CYP7B1: variants seen among roughly 807,000 people sequenced by gnomAD.
The protein encoded by CYP7B1 is cytochrome P450 7B1.
In CYP7B1, 29 loss-of-function variants were observed where a neutral mutation model predicts 42.7. That is an observed-to-expected ratio of 0.68 (90% confidence interval 0.51 to 0.93). The LOEUF (loss-of-function observed/expected upper bound fraction) is 0.93. CYP7B1 is among the 40% of genes least tolerant of loss of function. The pLI is 0.00. For synonymous variants in CYP7B1, 235 were observed against 218.2 expected (o/e 1.08, Z -0.68); for missense variants, 655 against 600.5 (o/e 1.09, Z -0.95).
intron 1 of CYP7B1, among the ~76,000 whole-genome samples, chr8:64,794,744 T>C (rs550402223): frequency 9.2e-5 from 14 of 152,308 alleles, no homozygotes; most frequent in South Asian, 2.1e-4. Context: ...GTTCAAACCA[T>C]AGCATCACCA....
chr8:64,798,360 ACTGT>A lies in CYP7B1; in HGVS notation c.122+102_122+105del, dbSNP rs760472717. ...AGCCAGTACCCCGCAGCAAGTTCTG[ACTGT>A]CTGCACTGGAAATCATGGAGGGGGA... On this transcript the variant is annotated intron_variant, in intron 1 of 5. Coordinates refer to ENST00000310193, the MANE Select transcript of CYP7B1 (RefSeq NM_004820.5). 14 of 1,381,458 alleles carry A rather than the reference ACTGT, an allele frequency of 1.0e-5. No individual in the cohort carries two copies. The Admixed American group carries it at 1.5e-4, about 15-fold the overall frequency. 85.6% of individuals were successfully genotyped at this position (1,381,458 alleles called of 1,614,324 possible). A position where few individuals can be genotyped will look rare whatever the true frequency, so the allele number is the denominator to read the frequency against.
chr8:64,756,061 A>G (rs1479815650), intron 1 of CYP7B1, among the ~76,000 whole-genome samples: 1 of 152,186 alleles, frequency 6.6e-6, no homozygotes, highest in Non-Finnish European at 1.5e-5. Flanking sequence ...GCTTTATACC[A>G]GGAGGTTTTG....
intron 1 of CYP7B1, among the ~76,000 whole-genome samples, chr8:64,726,249 A>G (rs529526418): frequency 1.4e-4 from 22 of 152,328 alleles, no homozygotes; most frequent in Non-Finnish European, 1.9e-4. Context: ...GTTGTTTCAG[A>G]AGTGACTTAA....
Position 64,595,090 on chromosome 8 carries a change from C to A in CYP7B1, c.*1552G>T, listed in dbSNP as rs532728374. 1.3e-5 allele frequency among the ~76,000 whole-genome samples: 2 copies of A among 152,158 alleles called. No homozygotes were observed. The highest frequency in any genetic ancestry group is 1.3e-4 in the Admixed American group (2 of 15,280). ...ATAACAACAATGGATACCTTAAGAACGGGCAATATCTTCAAAGTGCTGTGA... is the reference window on the plus strand; with the variant it reads ...ATAACAACAATGGATACCTTAAGAAAGGGCAATATCTTCAAAGTGCTGTGA... On this transcript the variant is annotated 3_prime_UTR_variant, in exon 6 of 6. Coordinates refer to ENST00000310193, the MANE Select transcript of CYP7B1 (RefSeq NM_004820.5).
chr8:64,746,094 G>A (rs1807640035), intron 1 of CYP7B1, among the ~76,000 whole-genome samples: 1 of 151,098 alleles, frequency 6.6e-6, no homozygotes, highest in South Asian at 2.1e-4. Flanking sequence ...GATCTAAGTT[G>A]AATTAAAAAG....
chr8:64,712,667 CAT>C (rs1162695294), intron 1 of CYP7B1, among the ~76,000 whole-genome samples: 1 of 150,852 alleles, frequency 6.6e-6, no homozygotes, highest in Non-Finnish European at 1.5e-5. Flanking sequence ...TGTATATATG[CAT>C]ACTTATATAT....
intron 1 of CYP7B1, among the ~76,000 whole-genome samples, chr8:64,649,637 T>C (rs1806009307): frequency 6.6e-6 from 1 of 152,218 alleles, no homozygotes; most frequent in Admixed American, 6.5e-5. Context: ...TCCTCCATAC[T>C]GTTTTCTACC....
At chr8:64,660,935 A>C (rs541374002) in intron 1 of CYP7B1, among the ~76,000 whole-genome samples, 10 of 152,334 alleles carry the variant, frequency 6.6e-5, no homozygotes, top group African/African-American at 1.7e-4. Flanking sequence ...TTCTGCTATG[A>C]GAAGAAAGGT....
At chr8:64,625,263 G>A (rs941330381) in intron 1 of CYP7B1, among the ~76,000 whole-genome samples, 3 of 152,220 alleles carry the variant, frequency 2.0e-5, no homozygotes, top group Non-Finnish European at 2.9e-5. Flanking sequence ...GTGAGCCACC[G>A]CGCCCAGCCT....
chr8:64,653,425 A>C (rs1185908048), intron 1 of CYP7B1, among the ~76,000 whole-genome samples: 3 of 152,194 alleles, frequency 2.0e-5, no homozygotes. Context: ...TCCTGGACAC[A>C]TACACCCTCT....
chr8:64,598,809 T>C (rs1023616518), intron 5 of CYP7B1, among the ~76,000 whole-genome samples: 1 of 152,218 alleles, frequency 6.6e-6, no homozygotes, highest in African/African-American at 2.4e-5. Flanking sequence ...AATTTTCTCA[T>C]AGTAAACATC....
intron 1 of CYP7B1, among the ~76,000 whole-genome samples, chr8:64,796,703 A>G (rs1804707708): frequency 6.6e-6 from 1 of 152,242 alleles, no homozygotes; most frequent in African/African-American, 2.4e-5. Context: ...ATTACAAATA[A>G]TGACTTCTAT....
intron 1 of CYP7B1, among the ~76,000 whole-genome samples, chr8:64,655,170 C>T (rs972558172): frequency 3.9e-5 from 6 of 152,004 alleles, no homozygotes; most frequent in South Asian, 2.1e-4. Context: ...AATTGACAAA[C>T]AGGATCTAAG....
intron 1 of CYP7B1, among the ~76,000 whole-genome samples, chr8:64,778,143 C>T (rs1394952272): frequency 7.0e-6 from 1 of 143,510 alleles, no homozygotes; most frequent in African/African-American, 2.6e-5. Flanking sequence ...GTACAACACA[C>T]TGAGAAGCAA....
chr8:64,593,625 G>T lies in CYP7B1; in HGVS notation c.*3017C>A, dbSNP rs1038652308. On this transcript the variant is annotated 3_prime_UTR_variant, in exon 6 of 6. Transcript: ENST00000310193. ...AATGCAAATACAAATTCTCTCTTGA[G>T]GAATGAACTTTAAATCTAGGTCTAA... Among the ~76,000 whole-genome samples, 1 of 152,036 alleles carries T rather than the reference G, an allele frequency of 6.6e-6. No homozygotes were observed. The highest frequency in any genetic ancestry group is 1.5e-5 in the Non-Finnish European group (1 of 68,020).
At chr8:64,616,314 T>C in intron 2 of CYP7B1, 33 bp from the exon 3 acceptor site, 4 of 1,320,880 alleles carry the variant, frequency 3.0e-6, no homozygotes, top group Non-Finnish European at 4.2e-6. Flanking sequence ...AAAATATGAG[T>C]TCGTTTGTTA....
At chr8:64,665,262 A>T (rs1041206109) in intron 1 of CYP7B1, among the ~76,000 whole-genome samples, 1 of 152,182 alleles carries the variant, frequency 6.6e-6, no homozygotes, top group Non-Finnish European at 1.5e-5. Context: ...TAAGATGATT[A>T]AAGTTGGGAG....
chr8:64,706,638 T>C (rs1456915167), intron 1 of CYP7B1, among the ~76,000 whole-genome samples: 2 of 151,998 alleles, frequency 1.3e-5, no homozygotes, highest in Non-Finnish European at 2.9e-5. Flanking sequence ...TTTAATTAGG[T>C]CCATTTCATC....
At chr8:64,633,951 A>T (rs2129630789) in intron 1 of CYP7B1, among the ~76,000 whole-genome samples, 2 of 152,344 alleles carry the variant, frequency 1.3e-5, no homozygotes, top group Admixed American at 1.3e-4. Context: ...TGACCCACAC[A>T]AATATAGACA....
Sources: allele counts gnomAD v4.1 joint callset (sites outside exome capture counted in the v4.1 genomes callset), GRCh38; gene constraint gnomAD v4.1.1; transcripts MANE v1.5; gene names NCBI Gene and HGNC (gene_info 2026-07-23, HGNC 2026-07-21).